TCF4: variants seen among roughly 807,000 people sequenced by gnomAD.
The protein encoded by TCF4 is SL3-3 enhancer factor 2.
TCF4 carries 3 observed loss-of-function variants against 82.1 expected under a neutral mutation model. That is an observed-to-expected ratio of 0.04 (90% CI 0.02 to 0.09). The LOEUF (loss-of-function observed/expected upper bound fraction) is 0.09, where lower values mean the gene tolerates loss of function less well. Ranked by LOEUF, TCF4 falls within the 10% of genes least tolerant of loss-of-function variation. TCF4 has a pLI of 1.00. For missense variants in TCF4, 518 were observed against 852.7 expected (o/e 0.61, Z 4.89); for synonymous variants, 276 against 309.6 (o/e 0.89, Z 1.14).
chr18:55,357,666 T>C (rs1333368760), intron 6 of TCF4, among the ~76,000 whole-genome samples: 2 of 152,150 alleles, frequency 1.3e-5, no homozygotes, highest in South Asian at 2.1e-4. Flanking sequence ...CTTCATCATA[T>C]TGGGTGGAAG....
At chr18:55,356,431 T>G (rs895106021) in intron 6 of TCF4, among the ~76,000 whole-genome samples, 11 of 152,314 alleles carry the variant, frequency 7.2e-5, no homozygotes, top group East Asian at 1.9e-4. Flanking sequence ...TAATTAAATT[T>G]AAGTGGCCAT....
At chr18:55,410,927 C>CA (rs1343626693) in intron 5 of TCF4, among the ~76,000 whole-genome samples, 1 of 152,180 alleles carries the variant, frequency 6.6e-6, no homozygotes, top group African/African-American at 2.4e-5. Context: ...GATGATTTCA[C>CA]ATGGCCCAGA....
chr18:55,229,152 C>A, intron 17 of TCF4, 76 bp from the exon 18 acceptor site: 1 of 1,546,564 alleles, frequency 6.5e-7, no homozygotes, highest in South Asian at 1.1e-5. Flanking sequence ...TTGTTTTCTT[C>A]CAGAGTTTTC....
chr18:55,425,388 A>T (rs150936264), intron 5 of TCF4, among the ~76,000 whole-genome samples: 68 of 150,584 alleles, frequency 4.5e-4, no homozygotes, highest in African/African-American at 1.6e-3. Context: ...TGCTTCCCCC[A>T]GCTCTTCACC....
chr18:55,433,086 T>C (rs930995074), intron 5 of TCF4, among the ~76,000 whole-genome samples: 2 of 152,234 alleles, frequency 1.3e-5, no homozygotes, highest in East Asian at 1.9e-4. Flanking sequence ...CGATAACTTA[T>C]ATTTATATCT....
At chr18:55,420,768 CT>C (rs1255581099) in intron 5 of TCF4, among the ~76,000 whole-genome samples, 2 of 152,050 alleles carry the variant, frequency 1.3e-5, no homozygotes, top group Admixed American at 6.6e-5. Context: ...ATATTAGAAG[CT>C]GGTCAAAGAT....
intron 3 of TCF4, among the ~76,000 whole-genome samples, chr18:55,506,247 A>G (rs571609754): frequency 2.0e-5 from 3 of 152,304 alleles, no homozygotes; most frequent in South Asian, 4.1e-4. Flanking sequence ...CTCTGGTTCA[A>G]TGATCCTCAT....
intron 3 of TCF4, among the ~76,000 whole-genome samples, chr18:55,522,694 G>T (rs866619369): frequency 7.9e-5 from 12 of 152,072 alleles, no homozygotes; most frequent in Middle Eastern, 3.2e-3. Context: ...TAATAAAAGA[G>T]GGAGTACTGA....
At position 55,228,354 on chromosome 18, in the gene TCF4, A is replaced by G. The variant is rs1188688924; in HGVS notation, c.1887T>C (p.Asn629=). 2 of 1,614,012 alleles carry G rather than the reference A, an allele frequency of 1.2e-6. No homozygotes were observed. The highest frequency in any genetic ancestry group is 1.7e-5 in the Admixed American group (1 of 60,028). Residue 629 remains asparagine, a synonymous_variant, in exon 19 of 20, where the codon AAT becomes AAC. Coordinates refer to ENST00000354452, the MANE Select transcript of TCF4 (RefSeq NM_001083962.2). The part of the protein sequence containing the change: ...LSLEQQVRER[N]LNPKAACLKR... ...TCAGACACGCAGCTTTCGGATTCAGATTCCTTTCTGTGGAGGATTAAAGCA... is the reference window on the plus strand; with the variant it reads ...TCAGACACGCAGCTTTCGGATTCAGGTTCCTTTCTGTGGAGGATTAAAGCA...
At chr18:55,443,531 TTTG>T (rs756670970) in intron 5 of TCF4, among the ~76,000 whole-genome samples, 12 of 152,200 alleles carry the variant, frequency 7.9e-5, no homozygotes, top group Non-Finnish European at 1.5e-4. Context: ...ATTTTAAGCT[TTTG>T]TTGTTGTTGT....
intron 2 of TCF4, among the ~76,000 whole-genome samples, chr18:55,613,169 T>G (rs189451638): frequency 1.8e-4 from 27 of 149,750 alleles, no homozygotes; most frequent in Admixed American, 4.0e-4. Context: ...TATGCTTTGA[T>G]ATATATATAT....
intron 6 of TCF4, among the ~76,000 whole-genome samples, chr18:55,383,384 A>G (rs1220421457): frequency 1.3e-5 from 2 of 152,212 alleles, no homozygotes; most frequent in Non-Finnish European, 2.9e-5. Context: ...AAATAAATGC[A>G]AAGATGTATT....
chr18:55,621,768 AATATATAATATAAT>A lies in TCF4; in HGVS notation c.286+9516_286+9529del, dbSNP rs1304671429. On this transcript the variant is annotated intron_variant, in intron 2 of 20. Coordinates refer to the TCF4 transcript ENST00000398339. The stretch of plus-strand genomic sequence containing the variant: ...ATTTATAATTATAATTATAACATAT[AATATATAATATAAT>A]ATATATTATATATTATATGTTATAT... 8.7e-5 allele frequency among the ~76,000 whole-genome samples: 8 copies of A among 91,758 alleles called. No homozygotes were observed. The Admixed American group carries it at 1.2e-3, about 13-fold the overall frequency. 60.2% of individuals were successfully genotyped at this position (91,758 alleles called of 152,430 possible). A position where few individuals can be genotyped will look rare whatever the true frequency, so the allele number is the denominator to read the frequency against.
chr18:55,238,986 C>T (rs1449291244), intron 15 of TCF4, among the ~76,000 whole-genome samples: 2 of 152,146 alleles, frequency 1.3e-5, no homozygotes, highest in Non-Finnish European at 2.9e-5. Context: ...TCATGTAGTC[C>T]AAACACAGGC....
intron 15 of TCF4, among the ~76,000 whole-genome samples, chr18:55,234,972 G>A (rs2048949830): frequency 1.3e-5 from 2 of 152,084 alleles, no homozygotes; most frequent in Non-Finnish European, 2.9e-5. Context: ...GCACTGATTC[G>A]TACCCATCTG....
intron 6 of TCF4, among the ~76,000 whole-genome samples, chr18:55,365,197 GTGTGTGTGTGTGTATATATA>G (rs1460472641): frequency 3.5e-5 from 4 of 115,216 alleles, no homozygotes; most frequent in East Asian, 2.5e-4. Context: ...ATATATGTGT[GTGTGTGTGTGTGTATATATA>G]TGTGTGTGTG....
chr18:55,635,746 C>T lies in TCF4; in HGVS notation c.152G>A (p.Trp51Ter). The T allele has an allele frequency of 6.4e-7, 1 of 1,550,588 alleles. No individual in the cohort carries two copies. The highest frequency in any genetic ancestry group is 8.7e-7 in the Non-Finnish European group (1 of 1,146,998). ...GAAGCTCGAGTAGCAGTTCTCAACCCAAGTGCATGTTACAATGTCCTGAGA... is the reference window on the plus strand; with the variant it reads ...GAAGCTCGAGTAGCAGTTCTCAACCTAAGTGCATGTTACAATGTCCTGAGA... The change falls in exon 1 of 21, where the codon TGG becomes TAG. Residue 51 changes from tryptophan to a stop codon, truncating the protein, a stop_gained. Transcript: ENST00000398339. LOFTEE classifies it high-confidence loss of function.
intron 3 of TCF4, among the ~76,000 whole-genome samples, chr18:55,513,758 T>C (rs945599618): frequency 1.6e-4 from 24 of 152,168 alleles, no homozygotes; most frequent in African/African-American, 5.8e-4. Context: ...AGAACATATA[T>C]AATTTGTTTT....
intron 6 of TCF4, among the ~76,000 whole-genome samples, chr18:55,387,841 G>T (rs1464465501): frequency 1.3e-5 from 2 of 152,186 alleles, no homozygotes; most frequent in Non-Finnish European, 2.9e-5. Context: ...TTACTTCATG[G>T]TCTAGGTGAC....
Sources: allele counts gnomAD v4.1 joint callset (sites outside exome capture counted in the v4.1 genomes callset), GRCh38; gene constraint gnomAD v4.1.1; transcripts MANE v1.5; gene names NCBI Gene and HGNC (gene_info 2026-07-23, HGNC 2026-07-21).